The following BBS9 variants were observed in gnomAD, a reference collection of about 807,000 sequenced individuals.
BBS9 encodes protein PTHB1.
A neutral mutation model predicts 117.7 loss-of-function variants in BBS9; 89 were observed. That is an observed-to-expected ratio of 0.76 (90% CI 0.64 to 0.90). The LOEUF (loss-of-function observed/expected upper bound fraction) is 0.90. Among genes scored for constraint, BBS9 ranks in the 40% least tolerant of loss-of-function variants. The pLI, the probability that BBS9 is intolerant of heterozygous loss-of-function variation, is 0.00. For synonymous variants in BBS9, 379 were observed against 370.9 expected, an observed-to-expected ratio of 1.02 and a Z score of -0.25; for missense variants, 982 against 1,042.2, an observed-to-expected ratio of 0.94 and a Z score of 0.80.
intron 9 of BBS9, among the ~76,000 whole-genome samples, chr7:33,281,094 T>G (rs1377799067): frequency 6.6e-6 from 1 of 151,742 alleles, no homozygotes; most frequent in Non-Finnish European, 1.5e-5. Context: ...TATTGATATT[T>G]TCTTGTATTT....
chr7:33,268,833 T>G (rs114419994), intron 7 of BBS9, among the ~76,000 whole-genome samples: 313 of 152,262 alleles, frequency 2.1e-3, no homozygotes, highest in African/African-American at 7.4e-3. Context: ...ATAAATCACC[T>G]CTCAGAGTGA....
intron 17 of BBS9, chr7:33,380,156 A>T: frequency 6.1e-6 from 1 of 164,680 alleles, no homozygotes; most frequent in Non-Finnish European, 1.3e-5. Context: ...GCAGTGTCAG[A>T]AAAGCAGCTG....
At chr7:33,466,143 AT>A (rs1310752689) in intron 19 of BBS9, among the ~76,000 whole-genome samples, 2 of 152,078 alleles carry the variant, frequency 1.3e-5, no homozygotes, top group African/African-American at 4.8e-5. Flanking sequence ...TCACAGTTAG[AT>A]TTTTTTGTGT....
intron 16 of BBS9, among the ~76,000 whole-genome samples, chr7:33,363,793 G>C (rs1255641475): frequency 1.3e-5 from 2 of 151,478 alleles, no homozygotes; most frequent in Admixed American, 1.3e-4. Flanking sequence ...TTCTACATCA[G>C]CTGAGACATT....
At chr7:33,598,132 G>C (rs551239641) in intron 21 of BBS9, among the ~76,000 whole-genome samples, 4 of 151,732 alleles carry the variant, frequency 2.6e-5, no homozygotes, top group Non-Finnish European at 5.9e-5. Context: ...TCCTTCAGGG[G>C]CCTCTCTGTT....
At chr7:33,632,486 G>T (rs556452311) in intron 21 of BBS9, among the ~76,000 whole-genome samples, 13 of 152,314 alleles carry the variant, frequency 8.5e-5, no homozygotes, top group African/African-American at 3.1e-4. Flanking sequence ...CTCCACCGGC[G>T]CCCTCGCCCC....
rs111330129 is a variant in BBS9, at chr7:33,215,727, G to T, written c.442+38136G>T. Among the ~76,000 whole-genome samples, 981 of 152,244 alleles carry T rather than the reference G, an allele frequency of 6.4e-3. 7 individuals carry two copies. The highest frequency in any genetic ancestry group is 0.011 in the Non-Finnish European group (752 of 68,024). On this transcript the variant is annotated intron_variant, in intron 5 of 22. Transcript: ENST00000242067. ...TATTTGAATGGAACTGGGAGTCCTT[G>T]TTTTAAGTGAAATAAGCCAAGCACT...
chr7:33,493,579 A>G (rs918520158), intron 19 of BBS9, among the ~76,000 whole-genome samples: 1 of 152,202 alleles, frequency 6.6e-6, no homozygotes, highest in African/African-American at 2.4e-5. Context: ...GCATGGGACA[A>G]TTCATATGGC....
At chr7:33,279,526 C>T (rs889914760) in intron 9 of BBS9, among the ~76,000 whole-genome samples, 10 of 152,132 alleles carry the variant, frequency 6.6e-5, no homozygotes, top group African/African-American at 1.4e-4. Flanking sequence ...TTTTTAAATA[C>T]GTTTCTTTTC....
chr7:33,220,438 A>G (rs1358293656), intron 5 of BBS9, among the ~76,000 whole-genome samples: 1 of 152,210 alleles, frequency 6.6e-6, no homozygotes, highest in Non-Finnish European at 1.5e-5. Flanking sequence ...GTCGACCCGC[A>G]CCTGAGATTT....
intron 5 of BBS9, among the ~76,000 whole-genome samples, chr7:33,221,631 A>C (rs1324989483): frequency 4.6e-5 from 7 of 152,202 alleles, no homozygotes; most frequent in Admixed American, 4.6e-4. Flanking sequence ...GAATAAATCT[A>C]GAGTACTTCA....
intron 19 of BBS9, among the ~76,000 whole-genome samples, chr7:33,393,576 A>AG (rs1827432937): frequency 6.6e-6 from 1 of 152,196 alleles, no homozygotes; most frequent in Admixed American, 6.5e-5. Flanking sequence ...GTTCAGATGC[A>AG]GAGCAAAGTT....
rs192184132 is a variant in BBS9 at position 33,182,462 on chromosome 7, T to G, written c.442+4871T>G. ...TCTAACGGCTCCACAGCAGTTAAGT[T>G]GAACAATTTTCAAGAGTCAAAGAAG... On this transcript the variant is annotated intron_variant, in intron 5 of 22. Transcript: ENST00000242067. Among the ~76,000 whole-genome samples the G allele has an allele frequency of 8.1e-4, 123 of 152,300 alleles. No homozygotes were observed. The Middle Eastern group carries it at 0.01, about 13-fold the overall frequency.
intron 19 of BBS9, among the ~76,000 whole-genome samples, chr7:33,488,248 A>G (rs1843384675): frequency 6.6e-6 from 1 of 152,188 alleles, no homozygotes; most frequent in Admixed American, 6.5e-5. Context: ...CATGCCTTGT[A>G]GGTAATAAGT....
At chr7:33,280,977 T>C (rs1801773054) in intron 9 of BBS9, among the ~76,000 whole-genome samples, 1 of 149,588 alleles carries the variant, frequency 6.7e-6, no homozygotes, top group South Asian at 2.1e-4. Flanking sequence ...TGCTATCCTG[T>C]ATTTTAAGGA....
intron 19 of BBS9, among the ~76,000 whole-genome samples, chr7:33,479,528 T>C (rs563100292): frequency 8.5e-5 from 13 of 152,352 alleles, no homozygotes; most frequent in Non-Finnish European, 1.8e-4. Flanking sequence ...GGCACCTGCA[T>C]TGATTCCATG....
chr7:33,517,941 G>A (rs1301159526), intron 20 of BBS9, among the ~76,000 whole-genome samples: 3 of 152,172 alleles, frequency 2.0e-5, no homozygotes, highest in Non-Finnish European at 4.4e-5. Context: ...ATGTGCTTAA[G>A]CGTATACCAG....
chr7:33,242,829 G>A, intron 5 of BBS9: 1 of 377,772 alleles, frequency 2.6e-6, no homozygotes, highest in South Asian at 2.4e-5. Context: ...AATCAGAAAG[G>A]AATTTAGAAA....
intron 9 of BBS9, among the ~76,000 whole-genome samples, chr7:33,316,284 T>C (rs745889811): frequency 6.6e-6 from 1 of 152,244 alleles, no homozygotes; most frequent in Non-Finnish European, 1.5e-5. Context: ...TGTTGTTGCA[T>C]GTAACAGTGG....
Sources: allele counts gnomAD v4.1 joint callset (sites outside exome capture counted in the v4.1 genomes callset), GRCh38; gene constraint gnomAD v4.1.1; transcripts MANE v1.5; gene names NCBI Gene and HGNC (gene_info 2026-07-23, HGNC 2026-07-21).